Variants in TMTC2 observed in about 807,000 individuals in gnomAD.
The protein encoded by TMTC2 is transmembrane O-mannosyltransferase targeting cadherins 2.
Under a neutral mutation model 82.4 loss-of-function variants are expected in TMTC2, and 43 were observed. That is an observed-to-expected ratio of 0.52 (90% CI 0.41 to 0.67). The LOEUF (loss-of-function observed/expected upper bound fraction) is 0.67. TMTC2 is among the 30% of genes least tolerant of loss of function. TMTC2 has a pLI of 0.00. For synonymous variants in TMTC2, 408 were observed against 381.9 expected (o/e 1.07, Z -0.80); for missense variants, 919 against 1,012.4 (o/e 0.91, Z 1.25).
At chr12:83,072,907 C>T (rs1186271085) in intron 11 of TMTC2, among the ~76,000 whole-genome samples, 7 of 151,966 alleles carry the variant, frequency 4.6e-5, no homozygotes, top group African/African-American at 7.3e-5. Flanking sequence ...AAGTAGTCTC[C>T]TGAGGCAGCA....
chr12:82,941,967 A>G (rs1226075266), intron 4 of TMTC2, among the ~76,000 whole-genome samples: 1 of 152,056 alleles, frequency 6.6e-6, no homozygotes, highest in Non-Finnish European at 1.5e-5. Flanking sequence ...GCTGGCCTTG[A>G]ACTCCTGACT....
chr12:82,802,599 T>G (rs1001787851), intron 1 of TMTC2, among the ~76,000 whole-genome samples: 1 of 152,154 alleles, frequency 6.6e-6, no homozygotes, highest in Non-Finnish European at 1.5e-5. Flanking sequence ...TCAAGAAAAC[T>G]TTTTTAGTTT....
intron 9 of TMTC2, among the ~76,000 whole-genome samples, chr12:83,045,727 G>GCGCTCACACACACACACACA (rs1822277751): frequency 7.0e-6 from 1 of 142,452 alleles, no homozygotes; most frequent in Non-Finnish European, 1.5e-5. Context: ...ACACACACAC[G>GCGCTCACACACACACACACA]CACACACACA....
chr12:83,085,387 A>C (rs1198976536), intron 11 of TMTC2, among the ~76,000 whole-genome samples: 2 of 152,222 alleles, frequency 1.3e-5, no homozygotes, highest in Non-Finnish European at 2.9e-5. Flanking sequence ...TTTTAATTGC[A>C]GTCAGAGACA....
At chr12:83,065,821 T>C (rs756604477) in intron 11 of TMTC2, among the ~76,000 whole-genome samples, 5 of 152,006 alleles carry the variant, frequency 3.3e-5, no homozygotes, top group East Asian at 3.9e-4. Flanking sequence ...CATTAACTTA[T>C]GGATTTTTAA....
chr12:83,119,478 C>G (rs1310066020), intron 11 of TMTC2, among the ~76,000 whole-genome samples: 1 of 152,080 alleles, frequency 6.6e-6, no homozygotes, highest in Non-Finnish European at 1.5e-5. Flanking sequence ...GAGTTGATTT[C>G]CAGTTCTATT....
At chr12:82,941,228 T>A (rs567265661) in intron 4 of TMTC2, among the ~76,000 whole-genome samples, 59 of 152,202 alleles carry the variant, frequency 3.9e-4, no homozygotes, top group African/African-American at 1.1e-3. Flanking sequence ...CCAGGCTAGA[T>A]TTGAACTGCT....
intron 1 of TMTC2, among the ~76,000 whole-genome samples, chr12:82,815,373 C>G (rs563506992): frequency 1.3e-5 from 2 of 151,742 alleles, no homozygotes; most frequent in South Asian, 4.2e-4. Flanking sequence ...TGCAATGGTG[C>G]TATCTCGGCT....
At chr12:82,895,551 C>A (rs991086460) in intron 2 of TMTC2, among the ~76,000 whole-genome samples, 1 of 151,758 alleles carries the variant, frequency 6.6e-6, no homozygotes, top group African/African-American at 2.4e-5. Context: ...AAAATTGAAG[C>A]TATGATTATT....
chr12:82,836,910 G>A (rs1230097078), intron 1 of TMTC2, among the ~76,000 whole-genome samples: 3 of 151,534 alleles, frequency 2.0e-5, no homozygotes, highest in Non-Finnish European at 2.9e-5. Context: ...TTGTGTAGTA[G>A]GTTGTTCTTT....
intron 1 of TMTC2, among the ~76,000 whole-genome samples, chr12:82,844,646 C>G (rs1870533352): frequency 6.6e-6 from 1 of 151,766 alleles, no homozygotes; most frequent in Admixed American, 6.6e-5. Flanking sequence ...CTAAAAAATA[C>G]AAAAAGTTAG....
intron 7 of TMTC2, among the ~76,000 whole-genome samples, chr12:82,967,610 T>A (rs1300088528): frequency 6.6e-6 from 1 of 151,966 alleles, no homozygotes; most frequent in Admixed American, 6.6e-5. Flanking sequence ...TTGTAGTAAA[T>A]TGTTACTACA....
intron 4 of TMTC2, among the ~76,000 whole-genome samples, chr12:82,946,191 T>C (rs1876982281): frequency 6.6e-6 from 1 of 152,198 alleles, no homozygotes; most frequent in Non-Finnish European, 1.5e-5. Context: ...TAATGACAAA[T>C]AATGATATTA....
intron 1 of TMTC2, among the ~76,000 whole-genome samples, chr12:82,837,128 G>T (rs942563531): frequency 6.6e-6 from 1 of 152,200 alleles, no homozygotes; most frequent in Non-Finnish European, 1.5e-5. Flanking sequence ...CTCTCATTGA[G>T]ATATGATTTG....
chr12:82,723,259 C>G (rs544936227), intron 1 of TMTC2, among the ~76,000 whole-genome samples: 1 of 152,284 alleles, frequency 6.6e-6, no homozygotes, highest in African/African-American at 2.4e-5. Flanking sequence ...TAAACCTACT[C>G]AAAACCAGGG....
In TMTC2 at chr12:82,907,860, TC is replaced by T. The variant is rs1874407974; in HGVS notation, c.1483+11217del. Among the ~76,000 whole-genome samples the T allele has an allele frequency of 2.6e-5, 4 of 152,256 alleles. 1 individual carries two copies. The Middle Eastern group carries it at 0.01, about 388-fold the overall frequency. On this transcript the variant is annotated intron_variant, in intron 3 of 11. Transcript: ENST00000321196. ...CAGGCGCGGTGGCTCATGCCTGTAA[TC>T]CCAGCACTCTAGGAGGCCGAGGTGG...
chr12:83,021,209 A>G (rs1215828567), intron 8 of TMTC2, among the ~76,000 whole-genome samples: 1 of 152,016 alleles, frequency 6.6e-6, no homozygotes, highest in Non-Finnish European at 1.5e-5. Context: ...ATTGCAAGGT[A>G]TCCGATTTCC....
At chr12:82,827,997 A>T (rs1869522270) in intron 1 of TMTC2, among the ~76,000 whole-genome samples, 1 of 151,094 alleles carries the variant, frequency 6.6e-6, no homozygotes, top group Admixed American at 6.6e-5. Context: ...GGTTTAAACA[A>T]TTCTCCTGTC....
At chr12:83,030,935 A>G (rs1881406156) in intron 9 of TMTC2, 56 bp downstream of exon 9, 2 of 1,311,944 alleles carry the variant, frequency 1.5e-6, no homozygotes, top group Non-Finnish European at 2.2e-6. Flanking sequence ...TAATGTTGAT[A>G]TGAGATCTAG....
Sources: gnomAD v4.1 joint callset for allele counts (sites outside exome capture counted in the v4.1 genomes callset) on GRCh38, gnomAD v4.1.1 for gene constraint, MANE v1.5 for transcripts, NCBI Gene and HGNC (gene_info 2026-07-23, HGNC 2026-07-21) for gene names.